The following CNTNAP2 variants were observed in gnomAD, a reference collection of about 807,000 sequenced individuals.
CNTNAP2 encodes contactin associated protein 2, also known as contactin-associated protein-like 2.
CNTNAP2 carries 98 observed loss-of-function variants against 155.2 expected under a neutral mutation model. That is an observed-to-expected ratio of 0.63 (90% CI 0.54 to 0.75). CNTNAP2 has a LOEUF of 0.75. Ranked by LOEUF, CNTNAP2 falls within the 30% of genes least tolerant of loss-of-function variation. CNTNAP2 has a pLI of 0.00. For missense variants in CNTNAP2, 1,727 were observed against 1,688.1 expected (o/e 1.02, Z -0.40); for synonymous variants, 651 against 631.2 (o/e 1.03, Z -0.47).
At chr7:146,206,020 G>A (rs1014288086) in intron 1 of CNTNAP2, among the ~76,000 whole-genome samples, 13 of 151,748 alleles carry the variant, frequency 8.6e-5, no homozygotes, top group East Asian at 3.9e-4. Flanking sequence ...TTTGTGTTTC[G>A]TTTAGGCAGA....
chr7:146,925,663 C>T (rs116386244), intron 3 of CNTNAP2, among the ~76,000 whole-genome samples: 1 of 152,068 alleles, frequency 6.6e-6, no homozygotes. Flanking sequence ...GGTCTCAGAG[C>T]AAATAACATT....
chr7:147,065,178 C>T (rs1308871070), intron 4 of CNTNAP2, among the ~76,000 whole-genome samples: 1 of 152,056 alleles, frequency 6.6e-6, no homozygotes, highest in Non-Finnish European at 1.5e-5. Flanking sequence ...CTTTTTGGAG[C>T]TCAGTTTCCT....
rs116600970 is a variant in CNTNAP2, at chr7:146,865,557, G to C, written c.402+25653G>C. Among the ~76,000 whole-genome samples, 900 of 152,190 alleles carry C rather than the reference G, an allele frequency of 5.9e-3. 10 individuals carry two copies. The highest frequency in any genetic ancestry group is 0.021 in the African/African-American group (873 of 41,538). ...ATATGATTAAATGCAGAAGAGAATAGTCTTTTCAACAAATGGTGTTAGAAA... is the reference window on the plus strand; with the variant it reads ...ATATGATTAAATGCAGAAGAGAATACTCTTTTCAACAAATGGTGTTAGAAA... On this transcript the variant is annotated intron_variant, in intron 3 of 23. Coordinates refer to ENST00000361727, the MANE Select transcript of CNTNAP2 (RefSeq NM_014141.6).
At chr7:147,530,513 A>G (rs990652869) in intron 11 of CNTNAP2, among the ~76,000 whole-genome samples, 1 of 152,136 alleles carries the variant, frequency 6.6e-6, no homozygotes, top group African/African-American at 2.4e-5. Flanking sequence ...GCAAGAAAAA[A>G]TGAAGAAGAA....
intron 1 of CNTNAP2, among the ~76,000 whole-genome samples, chr7:146,187,394 C>T (rs533301579): frequency 1.1e-4 from 16 of 152,080 alleles, no homozygotes; most frequent in East Asian, 3.9e-4. Context: ...CACTGAGAGC[C>T]GAAGAAGAGA....
chr7:147,620,363 AC>A (rs1167136567), intron 12 of CNTNAP2, among the ~76,000 whole-genome samples: 1 of 152,202 alleles, frequency 6.6e-6, no homozygotes, highest in Non-Finnish European at 1.5e-5. Flanking sequence ...TCCTAGTGAA[AC>A]AGAGATATGT....
At chr7:147,040,111 G>C (rs536460857) in intron 3 of CNTNAP2, among the ~76,000 whole-genome samples, 4 of 151,966 alleles carry the variant, frequency 2.6e-5, no homozygotes, top group Admixed American at 2.0e-4. Context: ...ATTTACAAGA[G>C]TAAAACAACC....
At position 147,326,167 on chromosome 7, in the gene CNTNAP2, G is replaced by A. The variant is rs2692135; in HGVS notation, c.1498+25877G>A. The stretch of plus-strand genomic sequence containing the variant: ...TCTCGATCTCCTGACCTGGTGATCC[G>A]CCCGCCTTGGCCTCCCAAAGTGCTG... On this transcript the variant is annotated intron_variant, in intron 9 of 23. Coordinates refer to ENST00000361727, the MANE Select transcript of CNTNAP2 (RefSeq NM_014141.6). Among the ~76,000 whole-genome samples the A allele has an allele frequency of 1.4e-3, 218 of 152,266 alleles. 2 individuals carry two copies. The highest frequency in any genetic ancestry group is 6.8e-3 in the Middle Eastern group (2 of 294).
chr7:147,651,692 A>G (rs1428924349), intron 13 of CNTNAP2, among the ~76,000 whole-genome samples: 1 of 152,218 alleles, frequency 6.6e-6, no homozygotes. Context: ...AACAATGGCA[A>G]TTTGAGAGAA....
rs189908624 is a variant in CNTNAP2 at position 147,625,405 on chromosome 7, A to C, written c.1898-13701A>C. Among the ~76,000 whole-genome samples the C allele has an allele frequency of 2.6e-4, 39 of 152,272 alleles. 1 individual carries two copies. The Middle Eastern group carries it at 0.02, about 80-fold the overall frequency. On this transcript the variant is annotated intron_variant, in intron 12 of 23. Transcript: ENST00000361727. ...CCTATGATGTACCCACAAAAATTTA[A>C]AATTTAAAAATATTGTATGGTTCCA...
intron 1 of CNTNAP2, among the ~76,000 whole-genome samples, chr7:146,222,541 A>AGT (rs10616515): frequency 0.031 from 4,495 of 147,334 alleles, 83 homozygotes; most frequent in African/African-American, 0.051. Flanking sequence ...ACTAAAGCAT[A>AGT]GTGTGTGTGT....
intron 2 of CNTNAP2, among the ~76,000 whole-genome samples, chr7:146,810,968 C>T (rs1803055739): frequency 2.0e-5 from 3 of 152,288 alleles, no homozygotes; most frequent in South Asian, 2.1e-4. Flanking sequence ...ACCATCCTTG[C>T]ATCTCAAGGA....
chr7:146,935,091 C>G (rs1413667590), intron 3 of CNTNAP2, among the ~76,000 whole-genome samples: 6 of 152,240 alleles, frequency 3.9e-5, no homozygotes, highest in Non-Finnish European at 7.3e-5. Flanking sequence ...ATTCTTGGAA[C>G]TGTGCACCCA....
At chr7:147,049,082 G>A (rs928948464) in intron 4 of CNTNAP2, among the ~76,000 whole-genome samples, 5 of 152,142 alleles carry the variant, frequency 3.3e-5, no homozygotes, top group African/African-American at 7.2e-5. Flanking sequence ...TGCATCTGGC[G>A]AAGGCCTTCT....
At position 146,591,040 on chromosome 7, in the gene CNTNAP2, A is replaced by G. The variant is rs114435020; in HGVS notation, c.98-183231A>G. 6.5e-3 allele frequency among the ~76,000 whole-genome samples: 989 copies of G among 152,312 alleles called. 8 individuals are homozygous for G. Among genetic ancestry groups the G allele is most frequent in the African/African-American group, 0.023 (945 of 41,562 alleles). On this transcript the variant is annotated intron_variant, in intron 1 of 23. Coordinates refer to ENST00000361727, the MANE Select transcript of CNTNAP2 (RefSeq NM_014141.6). ...TGATAGTGAGAGAAAACAACCACAG[A>G]GAAAACAGTCCACAGGTGTGGCTGA...
chr7:147,925,890 C>A (rs868232457), intron 14 of CNTNAP2, among the ~76,000 whole-genome samples: 7 of 152,186 alleles, frequency 4.6e-5, no homozygotes, highest in African/African-American at 1.4e-4. Flanking sequence ...CAACTCCTGG[C>A]AACAACTGAT....
At chr7:146,388,473 T>C (rs1795492858) in intron 1 of CNTNAP2, among the ~76,000 whole-genome samples, 1 of 151,992 alleles carries the variant, frequency 6.6e-6, no homozygotes, top group South Asian at 2.1e-4. Context: ...TAGGTGTATA[T>C]ATTTATGGGG....
rs551528691 is a variant in CNTNAP2, at chr7:148,401,730, C to T, written c.3716-7661C>T. ...TCTCCTGCCTCAGCCTCCCGAGTAG[C>T]TAGGACTACAGGCACCCACCACCAC... On this transcript the variant is annotated intron_variant, in intron 22 of 23. Transcript: ENST00000361727. 6.6e-5 allele frequency among the ~76,000 whole-genome samples: 10 copies of T among 152,140 alleles called. No homozygotes were observed. The South Asian group carries it at 1.9e-3, about 28-fold the overall frequency.
rs546635418 is a variant in CNTNAP2, at chr7:146,546,502, G to A, written c.98-227769G>A. Reference sequence around the variant, plus strand: ...TCACTTTCCCTGTAGGAGGAGTGAGGAAATCAGTTTTCCTTGTAATAGAGC... The same window carrying A: ...TCACTTTCCCTGTAGGAGGAGTGAGAAAATCAGTTTTCCTTGTAATAGAGC... On this transcript the variant is annotated intron_variant, in intron 1 of 23. Coordinates refer to ENST00000361727, the MANE Select transcript of CNTNAP2 (RefSeq NM_014141.6). Among the ~76,000 whole-genome samples, 7 of 151,998 alleles carry A rather than the reference G, an allele frequency of 4.6e-5. No homozygotes were observed. In the East Asian group the frequency reaches 1.2e-3, roughly 25 times the overall value.
Sources: allele counts gnomAD v4.1 joint callset (sites outside exome capture counted in the v4.1 genomes callset), GRCh38; gene constraint gnomAD v4.1.1; transcripts MANE v1.5; gene names NCBI Gene and HGNC (gene_info 2026-07-23, HGNC 2026-07-21).